The following ITGA9 variants were observed in gnomAD, a reference collection of about 807,000 sequenced individuals.
The protein encoded by ITGA9 is integrin alpha-9.
Under a neutral mutation model 127.8 loss-of-function variants are expected in ITGA9, and 56 were observed. The observed-to-expected ratio is 0.44, with a 90% CI of 0.35 to 0.55. ITGA9 has a LOEUF of 0.55. ITGA9 is among the 20% of genes least tolerant of loss of function. ITGA9 has a pLI of 0.00. For missense variants in ITGA9, 1,196 were observed against 1,347.1 expected, an observed-to-expected ratio of 0.89 and a Z score of 1.76; for synonymous variants, 508 against 514.5, an observed-to-expected ratio of 0.99 and a Z score of 0.17.
intron 21 of ITGA9, 80 bp downstream of exon 21, chr3:37,741,899 A>G: frequency 8.5e-7 from 1 of 1,172,660 alleles, no homozygotes; most frequent in Non-Finnish European, 1.3e-6. Context: ...TTGCATGTGT[A>G]GCCAGCCAGG....
At chr3:37,803,218 A>G (rs1329674359) in intron 26 of ITGA9, among the ~76,000 whole-genome samples, 2 of 152,256 alleles carry the variant, frequency 1.3e-5, no homozygotes, top group Non-Finnish European at 2.9e-5. Flanking sequence ...AATCAAGAAC[A>G]TAGTGTGTCC....
chr3:37,658,261 A>G (rs1700497273), intron 17 of ITGA9, among the ~76,000 whole-genome samples: 1 of 151,720 alleles, frequency 6.6e-6, no homozygotes, highest in South Asian at 2.1e-4. Flanking sequence ...TTTCTGTCTC[A>G]TGATCTAATA....
chr3:37,456,564 G>C (rs903026979), intron 1 of ITGA9, among the ~76,000 whole-genome samples: 1 of 152,192 alleles, frequency 6.6e-6, no homozygotes, highest in African/African-American at 2.4e-5. Flanking sequence ...AGACGCCCTG[G>C]AGTCCAAAGT....
At chr3:37,471,616 G>C (rs1371272916) in intron 2 of ITGA9, among the ~76,000 whole-genome samples, 3 of 152,230 alleles carry the variant, frequency 2.0e-5, no homozygotes, top group African/African-American at 7.2e-5. Flanking sequence ...CAGCAAGGCA[G>C]GCTGGGGCCA....
chr3:37,749,745 G>T (rs1696557217), intron 22 of ITGA9: 2 of 152,622 alleles, frequency 1.3e-5, no homozygotes, highest in African/African-American at 2.4e-5. Context: ...ACAGAAGAGG[G>T]GTACAGTTGT....
intron 23 of ITGA9, among the ~76,000 whole-genome samples, chr3:37,760,057 CA>C: frequency 1.3e-5 from 2 of 151,018 alleles, no homozygotes; most frequent in Non-Finnish European, 3.0e-5. Context: ...CCATCTCTAC[CA>C]AAAATACAAA....
intron 1 of ITGA9, among the ~76,000 whole-genome samples, chr3:37,464,983 C>T (rs537561223): frequency 1.3e-5 from 2 of 152,336 alleles, no homozygotes; most frequent in African/African-American, 4.8e-5. Context: ...GTGGTGGACA[C>T]ACAGTGAAGA....
chr3:37,586,556 C>T (rs886136685), intron 15 of ITGA9, among the ~76,000 whole-genome samples: 7 of 152,278 alleles, frequency 4.6e-5, no homozygotes, highest in East Asian at 1.9e-4. Context: ...CTGCAGAAAG[C>T]CATGCCTAGA....
chr3:37,460,405 A>G (rs1479820586), intron 1 of ITGA9, among the ~76,000 whole-genome samples: 1 of 152,234 alleles, frequency 6.6e-6, no homozygotes, highest in Non-Finnish European at 1.5e-5. Flanking sequence ...ACAATAGTCA[A>G]CAATAATTTG....
chr3:37,669,069 A>T (rs1038819051), intron 17 of ITGA9, among the ~76,000 whole-genome samples: 1 of 152,202 alleles, frequency 6.6e-6, no homozygotes, highest in African/African-American at 2.4e-5. Context: ...GGAAGGTACC[A>T]GGTAGAGAAC....
intron 24 of ITGA9, among the ~76,000 whole-genome samples, chr3:37,779,519 A>C (rs998370047): frequency 6.6e-6 from 1 of 152,346 alleles, no homozygotes; most frequent in Admixed American, 6.5e-5. Context: ...TTGCCACTAC[A>C]CAGGTGGAAG....
At chr3:37,704,486 C>T (rs1430025506) in intron 18 of ITGA9, among the ~76,000 whole-genome samples, 1 of 152,234 alleles carries the variant, frequency 6.6e-6, no homozygotes, top group Non-Finnish European at 1.5e-5. Context: ...ATAGCATGGT[C>T]TATCCTGTTT....
intron 3 of ITGA9, among the ~76,000 whole-genome samples, chr3:37,474,624 G>A (rs1258920721): frequency 6.6e-6 from 1 of 152,174 alleles, no homozygotes; most frequent in Non-Finnish European, 1.5e-5. Context: ...CAGTTCCTCT[G>A]CCCTTGGTGA....
At chr3:37,702,994 G>A (rs1229811807) in intron 18 of ITGA9, among the ~76,000 whole-genome samples, 1 of 152,090 alleles carries the variant, frequency 6.6e-6, no homozygotes, top group Non-Finnish European at 1.5e-5. Flanking sequence ...GGTTCCAGGT[G>A]TTGGGGTAAA....
chr3:37,777,547 A>G (rs1696923511), intron 24 of ITGA9, 30 bp downstream of exon 24: 1 of 1,613,288 alleles, frequency 6.2e-7, no homozygotes, highest in East Asian at 2.2e-5. Flanking sequence ...TTGGGGTAAC[A>G]CGGGTGGTCC....
At chr3:37,768,844 G>C (rs1353728141) in intron 23 of ITGA9, among the ~76,000 whole-genome samples, 3 of 151,806 alleles carry the variant, frequency 2.0e-5, no homozygotes, top group Non-Finnish European at 2.9e-5. Flanking sequence ...GTGGCTCATG[G>C]GGAACACTAC....
chr3:37,822,174 T>C lies in ITGA9; in HGVS notation c.*3185T>C, dbSNP rs897590071. 8.5e-5 allele frequency: 13 copies of C among 152,206 alleles called. No individual in the cohort carries two copies. Among genetic ancestry groups the C allele is most frequent in the Admixed American group, 8.5e-4 (13 of 15,286 alleles). 9.4% of individuals were successfully genotyped at this position (152,206 alleles called of 1,614,324 possible). A position where few individuals can be genotyped will look rare whatever the true frequency, so the allele number is the denominator to read the frequency against. On this transcript the variant is annotated 3_prime_UTR_variant, in exon 28 of 28. Coordinates refer to ENST00000264741, the MANE Select transcript of ITGA9 (RefSeq NM_002207.3). ...TTTCACTGTGGAATCCTATAAGATA[T>C]TCTCCTGAGCAGTATTATTTCAGTT...
chr3:37,489,454 C>T (rs542585597), intron 4 of ITGA9, among the ~76,000 whole-genome samples: 3 of 152,296 alleles, frequency 2.0e-5, no homozygotes, highest in African/African-American at 7.2e-5. Flanking sequence ...TTAGGCATTC[C>T]CTAAAGATCT....
rs142726080 is a variant in ITGA9 at position 37,732,734 on chromosome 3, A to G, written c.2090A>G (p.Glu697Gly). Residue 697 changes from glutamate to glycine, a missense_variant, in exon 19 of 28, where the codon GAG becomes GGG. By Grantham distance (98) the Glu-to-Gly change is moderately conservative. Transcript: ENST00000264741. Reference protein sequence around the residue: ...WQKEEMGISCELLESDFLKCS... With the variant: ...WQKEEMGISCGLLESDFLKCS... ...CAGGAGGAGATGGGCATCTCCTGTG[A>G]GCTGCTGGAATCGGACTTCCTCAAA... 1.8e-3 allele frequency: 2,832 copies of G among 1,610,140 alleles called. 56 individuals are homozygous for G. The African/African-American group carries it at 0.032, about 18-fold the overall frequency.
Sources: gnomAD v4.1 joint callset for allele counts (sites outside exome capture counted in the v4.1 genomes callset) on GRCh38, gnomAD v4.1.1 for gene constraint, MANE v1.5 for transcripts, NCBI Gene and HGNC (gene_info 2026-07-23, HGNC 2026-07-21) for gene names.